SH3RF2: variants seen among roughly 807,000 people sequenced by gnomAD.
SH3RF2 encodes SH3 domain containing ring finger 2, also known as E3 ubiquitin-protein ligase SH3RF2.
SH3RF2 carries 43 observed loss-of-function variants against 59.0 expected under a neutral mutation model. The ratio of observed to expected loss-of-function variants is 0.73; its 90% CI spans 0.57 to 0.94. SH3RF2 has a LOEUF of 0.94. Among genes scored for constraint, SH3RF2 ranks in the 40% least tolerant of loss-of-function variants. The pLI, the probability that SH3RF2 is intolerant of heterozygous loss-of-function variation, is 0.00. For synonymous variants in SH3RF2, 391 were observed against 391.5 expected (o/e 1.00, Z 0.01); for missense variants, 930 against 940.1 (o/e 0.99, Z 0.14).
intron 5 of SH3RF2, among the ~76,000 whole-genome samples, chr5:146,014,364 T>G (rs1026909928): frequency 6.6e-6 from 1 of 152,160 alleles, no homozygotes; most frequent in Non-Finnish European, 1.5e-5. Flanking sequence ...AGTGCCATGA[T>G]ATCGTTCCTG....
chr5:146,022,219 T>C (rs1761347120), intron 5 of SH3RF2, among the ~76,000 whole-genome samples: 1 of 152,344 alleles, frequency 6.6e-6, no homozygotes, highest in South Asian at 2.1e-4. Context: ...ATTTTATTTA[T>C]TTATTTTAGA....
intron 2 of SH3RF2, among the ~76,000 whole-genome samples, chr5:145,981,592 T>G (rs948746079): frequency 6.6e-6 from 1 of 152,174 alleles, no homozygotes; most frequent in Non-Finnish European, 1.5e-5. Context: ...CTTTCTGAGT[T>G]TTTCCTATTG....
At chr5:146,067,643 C>T (rs190722079), downstream of SH3RF2, among the ~76,000 whole-genome samples, 46 of 152,342 alleles carry the variant, frequency 3.0e-4, no homozygotes, top group African/African-American at 1.0e-3. Context: ...CTCCAATCCA[C>T]CTTTCTCATA....
intron 4 of SH3RF2, among the ~76,000 whole-genome samples, chr5:146,007,324 T>G (rs765119252): frequency 1.6e-4 from 24 of 152,090 alleles, no homozygotes; most frequent in Middle Eastern, 3.2e-3. Flanking sequence ...TTTCAGGAGG[T>G]AGAATCCACA....
intron 5 of SH3RF2, 31 bp from the exon 6 acceptor site, chr5:146,047,741 T>G: frequency 6.2e-7 from 1 of 1,609,380 alleles, no homozygotes; most frequent in Non-Finnish European, 8.5e-7. Context: ...CATTCATTGG[T>G]TCTGCTTGGC....
chr5:146,057,974 ATCTATC>A (rs761604608), intron 8 of SH3RF2, among the ~76,000 whole-genome samples: 1,577 of 76,996 alleles, frequency 0.02, 22 homozygotes, highest in Non-Finnish European at 0.041. Flanking sequence ...CTCTCTATCT[ATCTATC>A]TATCTATATA....
Position 146,014,060 on chromosome 5 carries a change from A to G in SH3RF2, c.1058A>G (p.Gln353Arg), listed in dbSNP as rs1166063481. The change falls in exon 5 of 10, where the codon CAG (glutamine) becomes CGG (arginine). Residue 353 changes from glutamine to arginine, a missense_variant and splice_region_variant. Gln to Arg is a conservative substitution (Grantham distance 43, BLOSUM62 1). Coordinates refer to ENST00000359120, the MANE Select transcript of SH3RF2 (RefSeq NM_152550.4). ...KADVPSSCVG[Q>R]VSTYHPAPVS... is the part of the protein sequence containing the mutation. ...GACGTTCCTTCCAGCTGTGTGGGACAGGTAGGGAAGAAACGCCTGGGATGA... is the reference window on the plus strand; with the variant it reads ...GACGTTCCTTCCAGCTGTGTGGGACGGGTAGGGAAGAAACGCCTGGGATGA... 6.2e-7 allele frequency: 1 copy of G among 1,612,304 alleles called. No individual in the cohort carries two copies. Among genetic ancestry groups the G allele is most frequent in the Non-Finnish European group, 8.5e-7 (1 of 1,179,596 alleles).
intron 9 of SH3RF2, among the ~76,000 whole-genome samples, chr5:146,076,904 C>G (rs115602649): frequency 0.019 from 2,903 of 152,172 alleles, 41 homozygotes; most frequent in Non-Finnish European, 0.03. Flanking sequence ...CACACCACCC[C>G]CACAAAGAAT....
chr5:146,021,730 C>T lies in SH3RF2; in HGVS notation c.1059+7669C>T, dbSNP rs990866252. 3.9e-5 allele frequency among the ~76,000 whole-genome samples: 6 copies of T among 152,128 alleles called. No homozygotes were observed. The East Asian group carries it at 9.6e-4, about 24-fold the overall frequency. Reference sequence around the variant, plus strand: ...CACCTCTCTCTCTATTTTGCCAGAGCCCCCTGGGTAAAGAACTGTCATGAG... The same window carrying T: ...CACCTCTCTCTCTATTTTGCCAGAGTCCCCTGGGTAAAGAACTGTCATGAG... On this transcript the variant is annotated intron_variant, in intron 5 of 9. Transcript: ENST00000359120.
At position 145,937,676 on chromosome 5, in the gene SH3RF2, G is replaced by A. The variant is rs745871893; in HGVS notation, c.-106-147G>A. The A allele has an allele frequency of 9.7e-6, 5 of 516,386 alleles. No individual in the cohort carries two copies. The East Asian group carries it at 1.6e-4, about 17-fold the overall frequency. The allele number at this position is 516,386 out of a possible 1,614,324, so 32.0% of individuals were successfully genotyped here. A position where few individuals can be genotyped will look rare whatever the true frequency, so the allele number is the denominator to read the frequency against. The stretch of plus-strand genomic sequence containing the variant: ...CACGAGTTGAGTCTTATACCTGCTA[G>A]CATTGAATCAGAATGAGTCATTTGA... On this transcript the variant is annotated intron_variant, in intron 1 of 9. Coordinates refer to ENST00000359120, the MANE Select transcript of SH3RF2 (RefSeq NM_152550.4).
At position 146,062,573 on chromosome 5, in the gene SH3RF2, C is replaced by A; in HGVS notation, c.2062C>A (p.Leu688Ile). ...AASLGPEMTV[L>I]FAHRSGCHSG... ...GTCCTTGGGCCCAGAGATGACCGTC[C>A]TATTTGCCCACCGAAGTGGCTGCCA... The change falls in exon 10 of 10, where the codon CTA becomes ATA. Residue 688 changes from leucine (L) to isoleucine (I), a missense_variant. Leu to Ile is a conservative substitution (Grantham distance 5, BLOSUM62 2). Transcript: ENST00000359120. 1 of 1,614,166 alleles carries A rather than the reference C, an allele frequency of 6.2e-7. No homozygotes were observed. The highest frequency in any genetic ancestry group is 8.5e-7 in the Non-Finnish European group (1 of 1,180,024).
chr5:145,983,889 G>A (rs1759602264), intron 2 of SH3RF2, among the ~76,000 whole-genome samples: 1 of 152,104 alleles, frequency 6.6e-6, no homozygotes, highest in Non-Finnish European at 1.5e-5. Context: ...TTAAAGGATG[G>A]CCTAGAAAAA....
chr5:145,953,821 G>T (rs1758288466), intron 2 of SH3RF2, among the ~76,000 whole-genome samples: 2 of 152,050 alleles, frequency 1.3e-5, no homozygotes, highest in South Asian at 4.1e-4. Flanking sequence ...TTGGTTTATT[G>T]TTCCTGCATT....
chr5:146,017,551 TC>T (rs1016293889), intron 5 of SH3RF2, among the ~76,000 whole-genome samples: 7 of 152,164 alleles, frequency 4.6e-5, no homozygotes, highest in South Asian at 2.1e-4. Flanking sequence ...CCCATCCCTG[TC>T]CCACTGCCAA....
intron 5 of SH3RF2, among the ~76,000 whole-genome samples, chr5:146,033,422 A>C (rs1761807352): frequency 7.8e-6 from 1 of 128,928 alleles, no homozygotes; most frequent in Non-Finnish European, 1.6e-5. Flanking sequence ...GAATTTCCTT[A>C]GTGAAAATCT....
chr5:146,065,401 G>A (rs545078499), downstream of SH3RF2, among the ~76,000 whole-genome samples: 3 of 152,298 alleles, frequency 2.0e-5, no homozygotes, highest in South Asian at 2.1e-4. Context: ...ATGTTTAGCA[G>A]TCTACTCTAC....
chr5:146,058,296 G>A (rs917951398), intron 8 of SH3RF2, among the ~76,000 whole-genome samples: 13 of 152,124 alleles, frequency 8.5e-5, no homozygotes, highest in African/African-American at 3.1e-4. Flanking sequence ...TCCCAGGTCC[G>A]GGAGGCTTTC....
chr5:146,070,655 G>A (rs1763213756), intron 9 of SH3RF2, among the ~76,000 whole-genome samples: 1 of 152,210 alleles, frequency 6.6e-6, no homozygotes, highest in Non-Finnish European at 1.5e-5. Flanking sequence ...AGAGGGATAT[G>A]ATCTCCAAAA....
intron 3 of SH3RF2, among the ~76,000 whole-genome samples, chr5:146,002,972 T>C (rs1353665289): frequency 6.6e-6 from 1 of 152,194 alleles, no homozygotes; most frequent in Non-Finnish European, 1.5e-5. Context: ...AAAGGTTGGG[T>C]ACCGCTGTGT....
Sources: gnomAD v4.1 joint callset for allele counts (sites outside exome capture counted in the v4.1 genomes callset) on GRCh38, gnomAD v4.1.1 for gene constraint, MANE v1.5 for transcripts, NCBI Gene and HGNC (gene_info 2026-07-23, HGNC 2026-07-21) for gene names.